Variants in DOK5 observed in about 807,000 individuals in gnomAD.
DOK5 encodes the protein downstream of tyrosine kinase 5.
Under a neutral mutation model 43.3 loss-of-function variants are expected in DOK5, and 27 were observed. The ratio of observed to expected loss-of-function variants is 0.62; its 90% CI spans 0.46 to 0.86. The LOEUF (loss-of-function observed/expected upper bound fraction) is 0.86, where lower values mean the gene tolerates loss of function less well. Ranked by LOEUF, DOK5 falls within the 40% of genes least tolerant of loss-of-function variation. The pLI is 0.00. For synonymous variants in DOK5, 146 were observed against 140.1 expected, an observed-to-expected ratio of 1.04 and a Z score of -0.30; for missense variants, 373 against 392.9, an observed-to-expected ratio of 0.95 and a Z score of 0.43.
At chr20:54,609,661 G>T (rs1390437233) in intron 5 of DOK5, among the ~76,000 whole-genome samples, 1 of 152,036 alleles carries the variant, frequency 6.6e-6, no homozygotes, top group Non-Finnish European at 1.5e-5. Flanking sequence ...GCCTAATTGT[G>T]TGTACCAGTC....
chr20:54,574,849 T>A (rs981527060), intron 2 of DOK5, among the ~76,000 whole-genome samples: 1 of 152,242 alleles, frequency 6.6e-6, no homozygotes, highest in East Asian at 1.9e-4. Context: ...TATAGTCAGG[T>A]GATGCCAAAA....
intron 2 of DOK5, among the ~76,000 whole-genome samples, chr20:54,577,074 A>G (rs1985474634): frequency 1.3e-5 from 2 of 152,216 alleles, no homozygotes; most frequent in African/African-American, 4.8e-5. Flanking sequence ...TGTGGAGAGT[A>G]GTATTAGGAA....
At chr20:54,638,752 C>CT (rs11476340) in intron 6 of DOK5, among the ~76,000 whole-genome samples, 5,259 of 98,552 alleles carry the variant, frequency 0.053, 183 homozygotes, top group Non-Finnish European at 0.084. Context: ...CTTTTCTTTT[C>CT]TTTTTTTTTT....
chr20:54,613,451 G>T (rs975265903), intron 6 of DOK5, among the ~76,000 whole-genome samples: 2 of 152,056 alleles, frequency 1.3e-5, no homozygotes, highest in Non-Finnish European at 2.9e-5. Context: ...AGACAACACA[G>T]CAGAACAAAA....
chr20:54,553,935 AG>A (rs1411910065), intron 1 of DOK5, among the ~76,000 whole-genome samples: 2 of 148,744 alleles, frequency 1.3e-5, no homozygotes, highest in Non-Finnish European at 3.0e-5. Context: ...AGTAATTTTT[AG>A]GTTTAAAAAT....
intron 6 of DOK5, among the ~76,000 whole-genome samples, chr20:54,634,702 A>G (rs1222337545): frequency 2.6e-5 from 4 of 151,394 alleles, no homozygotes; most frequent in African/African-American, 9.7e-5. Context: ...CGGCCTCCCA[A>G]AGTGCCGGGA....
chr20:54,623,733 C>A (rs909508190), intron 6 of DOK5, among the ~76,000 whole-genome samples: 2 of 152,090 alleles, frequency 1.3e-5, no homozygotes, highest in African/African-American at 4.8e-5. Flanking sequence ...GCGCCCACCA[C>A]CATGCCTGGC....
chr20:54,638,752 CTTTTTTTT>C (rs11476340), intron 6 of DOK5, among the ~76,000 whole-genome samples: 1 of 98,534 alleles, frequency 1.0e-5, no homozygotes, highest in African/African-American at 3.7e-5. Context: ...CTTTTCTTTT[CTTTTTTTT>C]TTTTTTTTTT....
chr20:54,616,086 C>G (rs1027930020), intron 6 of DOK5, among the ~76,000 whole-genome samples: 1 of 152,072 alleles, frequency 6.6e-6, no homozygotes, highest in African/African-American at 2.4e-5. Context: ...CCATAGAAAA[C>G]TAATATAATA....
At chr20:54,500,862 G>A (rs6091902) in intron 1 of DOK5, among the ~76,000 whole-genome samples, 10,929 of 151,952 alleles carry the variant, frequency 0.072, 1,353 homozygotes, top group African/African-American at 0.25. Flanking sequence ...GCACCCGGCC[G>A]TGTATATTTT....
chr20:54,515,408 T>C (rs1208997781), intron 1 of DOK5, among the ~76,000 whole-genome samples: 1 of 152,234 alleles, frequency 6.6e-6, no homozygotes, highest in African/African-American at 2.4e-5. Flanking sequence ...GAAAATCTAA[T>C]TGAAACCACC....
chr20:54,491,139 C>G (rs1459301278), intron 1 of DOK5, among the ~76,000 whole-genome samples: 1 of 152,194 alleles, frequency 6.6e-6, no homozygotes, highest in Non-Finnish European at 1.5e-5. Context: ...AATCATGCCT[C>G]ACAACTGTAA....
At chr20:54,550,474 C>A (rs917103148) in intron 1 of DOK5, among the ~76,000 whole-genome samples, 2 of 152,150 alleles carry the variant, frequency 1.3e-5, no homozygotes, top group African/African-American at 2.4e-5. Flanking sequence ...AGAACAGTTC[C>A]ATTGCCACAA....
Position 54,536,144 on chromosome 20 carries a change from C to T in DOK5, c.67-18789C>T, listed in dbSNP as rs80112571. ...AAGACCAAGGCAAAAACTAAAAATGCAGACAAATCAGTAAGCAAAATAATT... is the reference window on the plus strand; with the variant it reads ...AAGACCAAGGCAAAAACTAAAAATGTAGACAAATCAGTAAGCAAAATAATT... On this transcript the variant is annotated intron_variant, in intron 1 of 7. Coordinates refer to ENST00000262593, the MANE Select transcript of DOK5 (RefSeq NM_018431.5). Among the ~76,000 whole-genome samples, 29 of 152,280 alleles carry T rather than the reference C, an allele frequency of 1.9e-4. 1 individual carries two copies. In the East Asian group the frequency reaches 5.4e-3, roughly 28 times the overall value.
chr20:54,588,886 T>C (rs773116963), intron 4 of DOK5, 80 bp downstream of exon 4: 15 of 1,500,912 alleles, frequency 1.0e-5, no homozygotes, highest in Non-Finnish European at 1.4e-5. Context: ...ATCTTCATTA[T>C]GTAAAGTTTT....
At chr20:54,648,231 T>G (rs1028091699) in intron 7 of DOK5, among the ~76,000 whole-genome samples, 1 of 152,140 alleles carries the variant, frequency 6.6e-6, no homozygotes, top group African/African-American at 2.4e-5. Flanking sequence ...ATTGAGCATC[T>G]AGTTTAGGCC....
chr20:54,489,925 A>G (rs1293193600), intron 1 of DOK5, among the ~76,000 whole-genome samples: 2 of 152,220 alleles, frequency 1.3e-5, no homozygotes, highest in East Asian at 3.8e-4. Context: ...GTTCTCCAGC[A>G]GTGGACAAGA....
At chr20:54,542,101 C>CACACAG (rs368729566) in intron 1 of DOK5, among the ~76,000 whole-genome samples, 9,843 of 112,938 alleles carry the variant, frequency 0.087, 353 homozygotes, top group African/African-American at 0.13. Context: ...TTATAAGATA[C>CACACAG]ACACACACAC....
chr20:54,515,990 C>A (rs1983185377), intron 1 of DOK5, among the ~76,000 whole-genome samples: 1 of 152,190 alleles, frequency 6.6e-6, no homozygotes, highest in Admixed American at 6.5e-5. Context: ...GCTCTGGTTA[C>A]TTCTGACTCA....
Sources: gnomAD v4.1 joint callset for allele counts (sites outside exome capture counted in the v4.1 genomes callset) on GRCh38, gnomAD v4.1.1 for gene constraint, MANE v1.5 for transcripts, NCBI Gene and HGNC (gene_info 2026-07-23, HGNC 2026-07-21) for gene names.